Variants in XKR9 observed in about 807,000 individuals in gnomAD.
XKR9 encodes the protein XK-related protein 9.
Under a neutral mutation model 32.0 loss-of-function variants are expected in XKR9, and 32 were observed. That is an observed-to-expected ratio of 1.00 (90% CI 0.76 to 1.34). XKR9 has a LOEUF of 1.34. Among genes scored for constraint, XKR9 ranks in the 40% most tolerant of loss-of-function variants. The probability of loss-of-function intolerance (pLI) is 0.00; values close to 1 mark genes in which losing one functional copy is unlikely to be tolerated. For missense variants in XKR9, 546 were observed against 429.7 expected (o/e 1.27, Z -2.39); for synonymous variants, 168 against 143.4 (o/e 1.17, Z -1.22).
chr8:70,755,344 A>G (rs1401956491), intron 2 of XKR9, among the ~76,000 whole-genome samples: 1 of 152,214 alleles, frequency 6.6e-6, no homozygotes, highest in Non-Finnish European at 1.5e-5. Context: ...TGTGGAAGTC[A>G]GTGTGGCGAT....
chr8:70,830,698 G>A, the XKR9 span, among the ~76,000 whole-genome samples: 1 of 152,164 alleles, frequency 6.6e-6, no homozygotes, highest in African/African-American at 2.4e-5. Flanking sequence ...AGTGTCTACG[G>A]ATATAGCATA....
At chr8:70,732,900 T>C (rs1360587376) in intron 4 of XKR9, among the ~76,000 whole-genome samples, 2 of 152,158 alleles carry the variant, frequency 1.3e-5, no homozygotes, top group Non-Finnish European at 2.9e-5. Context: ...GGTGGATCAA[T>C]TGAGGTCAGG....
chr8:70,975,765 C>T, the XKR9 span, among the ~76,000 whole-genome samples: 2 of 152,084 alleles, frequency 1.3e-5, no homozygotes, highest in Admixed American at 6.6e-5. Context: ...GTAGTTTTTT[C>T]CAATTCTGTG....
chr8:70,879,400 T>A, the XKR9 span, among the ~76,000 whole-genome samples: 4 of 151,914 alleles, frequency 2.6e-5, no homozygotes, highest in Admixed American at 6.6e-5. Flanking sequence ...ACAAAATTGA[T>A]AGACCACTAG....
At chr8:71,018,553 T>C in the XKR9 span, among the ~76,000 whole-genome samples, 16 of 152,250 alleles carry the variant, frequency 1.1e-4, no homozygotes, top group Non-Finnish European at 2.2e-4. Context: ...ATTATCCGAG[T>C]AGTAGAAAAT....
chr8:70,671,083 G>C (rs1413922840), intron 1 of XKR9, among the ~76,000 whole-genome samples: 1 of 152,230 alleles, frequency 6.6e-6, no homozygotes, highest in Non-Finnish European at 1.5e-5. Flanking sequence ...CCGGGCTGCA[G>C]TGCAGTGGCA....
the XKR9 span, among the ~76,000 whole-genome samples, chr8:70,842,324 C>T: frequency 3.9e-5 from 6 of 152,228 alleles, no homozygotes; most frequent in East Asian, 1.9e-4. Flanking sequence ...CCATTTGGCA[C>T]CAAAAGATGT....
the XKR9 span, among the ~76,000 whole-genome samples, chr8:70,853,444 TA>T: frequency 6.6e-6 from 1 of 151,624 alleles, no homozygotes; most frequent in Non-Finnish European, 1.5e-5. Context: ...CATATACTCA[TA>T]AAAGCTAAAA....
chr8:70,680,269 C>A (rs1172794024), intron 2 of XKR9, among the ~76,000 whole-genome samples: 3 of 152,010 alleles, frequency 2.0e-5, no homozygotes, highest in Non-Finnish European at 4.4e-5. Context: ...TGAACTAGGC[C>A]TCTCAATTGT....
intron 4 of XKR9, among the ~76,000 whole-genome samples, chr8:70,722,125 ATT>A (rs879366189): frequency 7.0e-6 from 1 of 142,512 alleles, no homozygotes; most frequent in Non-Finnish European, 1.5e-5. Flanking sequence ...GCAACCCCTG[ATT>A]TTTTTTTTTT....
the XKR9 span, among the ~76,000 whole-genome samples, chr8:70,972,969 A>C: frequency 6.6e-6 from 1 of 152,048 alleles, no homozygotes; most frequent in Non-Finnish European, 1.5e-5. Context: ...TTAGGGTGAT[A>C]CTGTCTTCAT....
the XKR9 span, among the ~76,000 whole-genome samples, chr8:70,802,292 T>C: frequency 1.3e-5 from 2 of 152,204 alleles, no homozygotes; most frequent in African/African-American, 4.8e-5. Context: ...GAAATTAGAT[T>C]ATCAACTCCT....
intron 2 of XKR9, among the ~76,000 whole-genome samples, chr8:70,755,333 T>C (rs2130193542): frequency 6.6e-6 from 1 of 152,258 alleles, no homozygotes; most frequent in Admixed American, 6.5e-5. Context: ...AGTTCAACCA[T>C]TGTGGAAGTC....
At chr8:70,879,155 C>T in the XKR9 span, among the ~76,000 whole-genome samples, 1 of 152,266 alleles carries the variant, frequency 6.6e-6, no homozygotes, top group East Asian at 1.9e-4. Flanking sequence ...ACATTTAAAG[C>T]AGTGGGTAGA....
At chr8:70,935,120 T>TATATATAC in the XKR9 span, among the ~76,000 whole-genome samples, 24 of 128,242 alleles carry the variant, frequency 1.9e-4, no homozygotes, top group African/African-American at 2.8e-4. Flanking sequence ...TATATATATA[T>TATATATAC]ACACACACAC....
intron 2 of XKR9, among the ~76,000 whole-genome samples, chr8:70,777,199 A>G (rs1258054382): frequency 6.6e-6 from 1 of 151,546 alleles, no homozygotes; most frequent in Non-Finnish European, 1.5e-5. Flanking sequence ...GAGTGAAAAC[A>G]TGTGGTGTTT....
chr8:70,967,948 G>T, the XKR9 span, among the ~76,000 whole-genome samples: 1 of 152,026 alleles, frequency 6.6e-6, no homozygotes, highest in African/African-American at 2.4e-5. Flanking sequence ...TATTACTGGA[G>T]TTCTCTGGAT....
the XKR9 span, among the ~76,000 whole-genome samples, chr8:70,930,702 T>C: frequency 6.6e-6 from 1 of 152,126 alleles, no homozygotes; most frequent in African/African-American, 2.4e-5. Flanking sequence ...GCAACCAACA[T>C]GATAAAATGC....
At chr8:70,914,621 G>A in the XKR9 span, among the ~76,000 whole-genome samples, 1,535 of 152,080 alleles carry the variant, frequency 0.01, 23 homozygotes, top group African/African-American at 0.035. Flanking sequence ...TTCTGCACAC[G>A]TCTTTTGTTG....
Sources: gnomAD v4.1 joint callset for allele counts (sites outside exome capture counted in the v4.1 genomes callset) on GRCh38, gnomAD v4.1.1 for gene constraint, MANE v1.5 for transcripts, NCBI Gene and HGNC (gene_info 2026-07-23, HGNC 2026-07-21) for gene names.